TIAM1: variants seen among roughly 807,000 people sequenced by gnomAD.
TIAM1 encodes the protein TIAM Rac1 associated GEF 1.
TIAM1 carries 65 observed loss-of-function variants against 163.5 expected under a neutral mutation model. The ratio of observed to expected loss-of-function variants is 0.40; its 90% CI spans 0.33 to 0.49. The LOEUF (loss-of-function observed/expected upper bound fraction) is 0.49, where lower values mean the gene tolerates loss of function less well. Among genes scored for constraint, TIAM1 ranks in the 20% least tolerant of loss-of-function variants. The pLI is 0.77. For synonymous variants in TIAM1, 833 were observed against 810.1 expected (o/e 1.03, Z -0.48); for missense variants, 1,789 against 2,044.7 (o/e 0.87, Z 2.41).
At chr21:31,352,429 G>A (rs2076249272) in intron 2 of TIAM1, among the ~76,000 whole-genome samples, 1 of 150,882 alleles carries the variant, frequency 6.6e-6, no homozygotes, top group African/African-American at 2.4e-5. Context: ...CCAATGAAGT[G>A]TGTACTTAAA....
chr21:31,348,579 A>G (rs2076185857), upstream of TIAM1, among the ~76,000 whole-genome samples: 1 of 152,220 alleles, frequency 6.6e-6, no homozygotes, highest in South Asian at 2.1e-4. Flanking sequence ...TCATAACTAC[A>G]TTTTGTGGTT....
chr21:31,410,941 G>C (rs1201324027), intron 2 of TIAM1, among the ~76,000 whole-genome samples: 1 of 152,166 alleles, frequency 6.6e-6, no homozygotes, highest in Non-Finnish European at 1.5e-5. Flanking sequence ...CTCCTCACTG[G>C]ACGATGTTAC....
At chr21:31,326,964 A>G (rs1249677849) in intron 2 of TIAM1, among the ~76,000 whole-genome samples, 1 of 152,256 alleles carries the variant, frequency 6.6e-6, no homozygotes, top group Non-Finnish European at 1.5e-5. Flanking sequence ...CAAAACGTTC[A>G]GGTTTGCATT....
intron 1 of TIAM1, among the ~76,000 whole-genome samples, chr21:31,508,188 G>A (rs895611011): frequency 6.6e-5 from 10 of 152,176 alleles, no homozygotes; most frequent in South Asian, 2.1e-4. Flanking sequence ...CACCTCAGTC[G>A]TGGACTTCGA....
At chr21:31,298,273 C>T (rs2074366834) in intron 2 of TIAM1, among the ~76,000 whole-genome samples, 1 of 152,156 alleles carries the variant, frequency 6.6e-6, no homozygotes, top group South Asian at 2.1e-4. Flanking sequence ...CATTCTATGG[C>T]CAAAGTTGGG....
chr21:31,402,617 A>G (rs2077184093), intron 2 of TIAM1, among the ~76,000 whole-genome samples: 1 of 152,060 alleles, frequency 6.6e-6, no homozygotes, highest in African/African-American at 2.4e-5. Flanking sequence ...TCCCAAGAAC[A>G]TAGTATTTCC....
At chr21:31,147,718 A>T (rs960122680) in intron 19 of TIAM1, among the ~76,000 whole-genome samples, 6 of 144,218 alleles carry the variant, frequency 4.2e-5, no homozygotes, top group Admixed American at 7.0e-5. Context: ...TTTATATAAT[A>T]TATAAAATAT....
intron 15 of TIAM1, among the ~76,000 whole-genome samples, chr21:31,180,342 A>T (rs2084957280): frequency 6.6e-6 from 1 of 152,224 alleles, no homozygotes; most frequent in Non-Finnish European, 1.5e-5. Flanking sequence ...CCATAGAGTA[A>T]ACACTTTTGG....
intron 4 of TIAM1, among the ~76,000 whole-genome samples, chr21:31,259,696 T>TCTCAA (rs2072342311): frequency 6.6e-6 from 1 of 151,806 alleles, no homozygotes; most frequent in Non-Finnish European, 1.5e-5. Context: ...AATGACCAGC[T>TCTCAA]CTCAAAGTAT....
At chr21:31,478,874 G>A (rs1248733424) in intron 1 of TIAM1, among the ~76,000 whole-genome samples, 1 of 152,144 alleles carries the variant, frequency 6.6e-6, no homozygotes, top group East Asian at 1.9e-4. Flanking sequence ...GAATCCTAAA[G>A]GAAAGATGAC....
chr21:31,515,224 GCC>G (rs893048241), intron 1 of TIAM1, among the ~76,000 whole-genome samples: 1 of 152,056 alleles, frequency 6.6e-6, no homozygotes. Context: ...TGCCTGGAGG[GCC>G]CCTTCTTCTT....
In TIAM1 at chr21:31,485,156, G is replaced by A. The variant is rs187479127; in HGVS notation, c.-421-21121C>T. On this transcript the variant is annotated intron_variant, in intron 1 of 28. Coordinates refer to the TIAM1 transcript ENST00000286827. ...ACACAGACTAAGACAAGCACCAATC[G>A]TAGCATAACACATCCACTGAGGAAC... Among the ~76,000 whole-genome samples, 9 of 152,228 alleles carry A rather than the reference G, an allele frequency of 5.9e-5. No individual in the cohort carries two copies. The East Asian group carries it at 1.4e-3, about 23-fold the overall frequency.
At position 31,266,661 on chromosome 21, in the gene TIAM1, A is replaced by G. The variant is rs1218876380; in HGVS notation, c.312T>C (p.Thr104=). The G allele has an allele frequency of 1.2e-6, 2 of 1,614,194 alleles. No individual in the cohort carries two copies. Among genetic ancestry groups the G allele is most frequent in the South Asian group, 2.2e-5 (2 of 91,086 alleles). ...VDMGLRPVSY[T]DSSVTPSVDS... ...CTACGCTGGGAGTGACAGAAGAGTC[A>G]GTGTAAGACACAGGTCTCAAGCCCA... The change falls in exon 4 of 28, where the codon ACT becomes ACC. Residue 104 remains threonine (T), a synonymous_variant. Transcript: ENST00000541036.
chr21:31,207,335 T>C (rs900536379), intron 11 of TIAM1, among the ~76,000 whole-genome samples: 4 of 152,166 alleles, frequency 2.6e-5, no homozygotes, highest in African/African-American at 7.2e-5. Flanking sequence ...TGTGAAATGA[T>C]GTGGATCAGA....
intron 1 of TIAM1, among the ~76,000 whole-genome samples, chr21:31,508,015 A>G (rs1051771546): frequency 2.6e-5 from 4 of 152,196 alleles, no homozygotes; most frequent in African/African-American, 7.2e-5. Context: ...GTCCTAATAA[A>G]AAGAGGGAGA....
chr21:31,347,879 AT>A (rs1177108562), upstream of TIAM1, among the ~76,000 whole-genome samples: 7 of 152,202 alleles, frequency 4.6e-5, no homozygotes, highest in African/African-American at 1.7e-4. Context: ...TTGTTAGTGG[AT>A]ATTTGCACAA....
At position 31,245,644 on chromosome 21, in the gene TIAM1, GA is replaced by G; in HGVS notation, c.1427del (p.Phe476SerfsTer10). 2 of 1,580,424 alleles carry G rather than the reference GA, an allele frequency of 1.3e-6. No individual in the cohort carries two copies. Among genetic ancestry groups the G allele is most frequent in the Non-Finnish European group, 8.6e-7 (1 of 1,163,868 alleles). On this transcript the variant is annotated frameshift_variant, in exon 6 of 28. Transcript: ENST00000541036. LOFTEE classifies it high-confidence loss of function. ...TCCCAGACCTGCCGTCGCTCTCGTA[GA>G]AAAATAGCGTGCATCCTGAGGAAAC... Reference protein sequence around the residue: ...WVSLKGCTLFFYESDGRSGID... With the variant: ...WVSLKGCTLFXYESDGRSGID...
chr21:31,157,833 G>A (rs1251433343), intron 16 of TIAM1, among the ~76,000 whole-genome samples: 5 of 152,174 alleles, frequency 3.3e-5, no homozygotes, highest in Non-Finnish European at 5.9e-5. Flanking sequence ...AACGTTATCT[G>A]AGGAACTGCC....
intron 13 of TIAM1, among the ~76,000 whole-genome samples, chr21:31,194,134 T>C (rs2085722212): frequency 1.1e-5 from 1 of 93,096 alleles, no homozygotes; most frequent in Non-Finnish European, 1.9e-5. Flanking sequence ...CTCCTTTCTC[T>C]TTTTTTTTGC....
Sources: gnomAD v4.1 joint callset for allele counts (sites outside exome capture counted in the v4.1 genomes callset) on GRCh38, gnomAD v4.1.1 for gene constraint, MANE v1.5 for transcripts, NCBI Gene and HGNC (gene_info 2026-07-23, HGNC 2026-07-21) for gene names.